The following GAS6 variants were observed in gnomAD, a reference collection of about 807,000 sequenced individuals.
The protein encoded by GAS6 is growth arrest-specific protein 6.
A neutral mutation model predicts 75.8 loss-of-function variants in GAS6; 41 were observed. The observed-to-expected ratio is 0.54, with a 90% CI of 0.42 to 0.70. The LOEUF is 0.70. GAS6 is among the 30% of genes least tolerant of loss of function. The pLI is 0.00. For synonymous variants in GAS6, 432 were observed against 412.6 expected (o/e 1.05, Z -0.57); for missense variants, 854 against 940.2 (o/e 0.91, Z 1.20).
intron 14 of GAS6, 108 bp downstream of exon 14, chr13:113,821,850 C>T (rs2051463206): frequency 1.2e-6 from 1 of 844,486 alleles, no homozygotes; most frequent in African/African-American, 1.7e-5. Flanking sequence ...AAGTCCTCTT[C>T]CGCATTCACT....
intron 4 of GAS6, chr13:113,843,716 C>T (rs1485608022): frequency 2.0e-5 from 3 of 151,234 alleles, no homozygotes; most frequent in Non-Finnish European, 2.9e-5. Flanking sequence ...CACTGTGCCG[C>T]CTGGGTCCTG....
intron 8 of GAS6, chr13:113,833,263 G>C (rs1176324421): frequency 9.5e-7 from 1 of 1,047,628 alleles, no homozygotes; most frequent in Admixed American, 5.0e-5. Flanking sequence ...TGGGCAGCCA[G>C]GGTGAGCTGG....
intron 14 of GAS6, 81 bp downstream of exon 14, chr13:113,821,877 T>C: frequency 8.9e-7 from 1 of 1,118,400 alleles, no homozygotes; most frequent in East Asian, 2.7e-5. Context: ...AACCCCAGCC[T>C]GTCCAGGTTA....
chr13:113,850,213 CCT>C (rs1458146264), intron 2 of GAS6, among the ~76,000 whole-genome samples: 2 of 152,082 alleles, frequency 1.3e-5, no homozygotes, highest in Non-Finnish European at 2.9e-5. Flanking sequence ...CCCTCCCACC[CCT>C]GTCTGCACTA....
chr13:113,846,878 C>T (rs2051838016), intron 3 of GAS6: 3 of 499,946 alleles, frequency 6.0e-6, no homozygotes, highest in East Asian at 4.0e-5. Context: ...GGGAGAATCA[C>T]CGGGAATGCT....
intron 12 of GAS6, among the ~76,000 whole-genome samples, chr13:113,824,127 A>AT (rs2051500097): frequency 1.7e-5 from 2 of 119,768 alleles, no homozygotes; most frequent in Admixed American, 8.4e-5. Context: ...TGTCAGGAGC[A>AT]CCGTGGTCTG....
rs1262431117 is a variant in GAS6, at chr13:113,863,565, G to A, written c.255+10C>T. The A allele has an allele frequency of 7.2e-5, 108 of 1,503,456 alleles. No homozygotes were observed. The highest frequency in any genetic ancestry group is 9.0e-5 in the Non-Finnish European group (102 of 1,130,304). 93.1% of individuals were successfully genotyped at this position (1,503,456 alleles called of 1,614,324 possible). A position where few individuals can be genotyped will look rare whatever the true frequency, so the allele number is the denominator to read the frequency against. On this transcript the variant is annotated intron_variant, in intron 2 of 14. Coordinates refer to ENST00000327773, the MANE Select transcript of GAS6 (RefSeq NM_000820.4). The surrounding 1 kb of genome is among the most constrained non-coding windows in gnomAD (Gnocchi z 9.4). ...GGGGTTCCCCCGCATCCCGCCCGCC[G>A]GCTGCTCACCGTCTCGGGGTCGTTC...
rs924160950 is a variant in GAS6, at chr13:113,844,725, C to G, written c.343+1802G>C. 9 of 150,572 alleles carry G rather than the reference C, an allele frequency of 6.0e-5. No homozygotes were observed. The allele number at this position is 150,572 out of a possible 1,614,324, so 9.3% of individuals were successfully genotyped here. A position where few individuals can be genotyped will look rare whatever the true frequency, so the allele number is the denominator to read the frequency against. On this transcript the variant is annotated intron_variant, in intron 4 of 14. Transcript: ENST00000327773. The surrounding 1 kb of genome is among the most constrained non-coding windows in gnomAD (Gnocchi z 5.7). Reference sequence around the variant, plus strand: ...GCCGAGTCTAAAGCTGTGGCCACGGCCTGTGGAAACCCGGCAGAAAATCTC... The same window carrying G: ...GCCGAGTCTAAAGCTGTGGCCACGGGCTGTGGAAACCCGGCAGAAAATCTC...
At chr13:113,854,704 G>A (rs920031652) in intron 2 of GAS6, among the ~76,000 whole-genome samples, 1 of 152,282 alleles carries the variant, frequency 6.6e-6, no homozygotes, top group African/African-American at 2.4e-5. Flanking sequence ...CTGCTTTGAA[G>A]TGCAGAGCAG....
At chr13:113,825,398 C>T (rs971894364) in intron 12 of GAS6, among the ~76,000 whole-genome samples, 3 of 152,164 alleles carry the variant, frequency 2.0e-5, no homozygotes, top group Non-Finnish European at 2.9e-5. Context: ...GATCTGCAAG[C>T]CTGAGCCCAG....
At chr13:113,859,601 T>C (rs1284101925) in intron 2 of GAS6, among the ~76,000 whole-genome samples, 1 of 149,372 alleles carries the variant, frequency 6.7e-6, no homozygotes, top group Non-Finnish European at 1.5e-5. Flanking sequence ...TGTCTGTTAG[T>C]ATGTGTGTGC....
rs772921580 is a variant in GAS6, at chr13:113,845,611, A to G, written c.343+916T>C. 8.5e-5 allele frequency: 12 copies of G among 141,058 alleles called. No individual in the cohort carries two copies. Among genetic ancestry groups the G allele is most frequent in the Non-Finnish European group, 1.6e-4 (11 of 67,280 alleles). The allele number at this position is 141,058 out of a possible 1,614,324, so 8.7% of individuals were successfully genotyped here. A position where few individuals can be genotyped will look rare whatever the true frequency, so the allele number is the denominator to read the frequency against. On this transcript the variant is annotated intron_variant, in intron 4 of 14. Transcript: ENST00000327773. This position sits in a 1 kb window ranked among gnomAD's most constrained non-coding sequence, Gnocchi z 4.3. ...TTGTGGCAAGCTGAAAAAATTTTTG[A>G]TAACTTTACTACCAATGGCTAATGT...
intron 7 of GAS6, among the ~76,000 whole-genome samples, chr13:113,834,973 A>G (rs948958770): frequency 1.3e-5 from 2 of 152,232 alleles, no homozygotes; most frequent in Non-Finnish European, 2.9e-5. Flanking sequence ...AGGTCTGGGA[A>G]GCACAGGGTC....
rs1214745837 is a variant in GAS6, at chr13:113,863,549, C to A, written c.255+26G>T. 2.7e-6 allele frequency: 4 copies of A among 1,497,434 alleles called. No individual in the cohort carries two copies. The highest frequency in any genetic ancestry group is 3.5e-6 in the Non-Finnish European group (4 of 1,128,590). The allele number at this position is 1,497,434 out of a possible 1,614,324, so 92.8% of individuals were successfully genotyped here. ...AGGCGCGCGGGCGCCAGGGGTTCCCCCGCATCCCGCCCGCCGGCTGCTCAC... is the reference window on the plus strand; with the variant it reads ...AGGCGCGCGGGCGCCAGGGGTTCCCACGCATCCCGCCCGCCGGCTGCTCAC... On this transcript the variant is annotated intron_variant, in intron 2 of 14. Coordinates refer to ENST00000327773, the MANE Select transcript of GAS6 (RefSeq NM_000820.4). The surrounding 1 kb of genome is among the most constrained non-coding windows in gnomAD (Gnocchi z 9.4).
At position 113,835,617 on chromosome 13, in the gene GAS6, T is replaced by C; in HGVS notation, c.608A>G (p.Asp203Gly). 2.5e-6 allele frequency: 4 copies of C among 1,611,502 alleles called. No homozygotes were observed. The highest frequency in any genetic ancestry group is 2.2e-5 in the South Asian group (2 of 91,022). Residue 203 changes from aspartate to glycine, a missense_variant, in exon 7 of 15, where the codon GAC becomes GGC. Physicochemically the swap from Asp to Gly is moderately conservative, Grantham distance 94 (BLOSUM62 -1). Transcript: ENST00000327773. ...RTCQDIDECA[D>G]SEACGEARCK... ...GCGCGCCTCCCCGCAGGCCTCCGAGTCTGCGCACTCGTCTATGTCTGCAAG... is the reference window on the plus strand; with the variant it reads ...GCGCGCCTCCCCGCAGGCCTCCGAGCCTGCGCACTCGTCTATGTCTGCAAG...
At chr13:113,842,170 CTCCG>C (rs1437199001) in intron 4 of GAS6, 17 of 152,690 alleles carry the variant, frequency 1.1e-4, no homozygotes, top group African/African-American at 4.7e-4. Context: ...CCTCAGTTTC[CTCCG>C]TCTGCCTCAC....
chr13:113,863,423 TG>T lies in GAS6; in HGVS notation c.255+151del. 2 of 653,534 alleles carry T rather than the reference TG, an allele frequency of 3.1e-6. No individual in the cohort carries two copies. The highest frequency in any genetic ancestry group is 4.4e-6 in the Non-Finnish European group (2 of 452,762). 40.5% of individuals were successfully genotyped at this position (653,534 alleles called of 1,614,324 possible). A position where few individuals can be genotyped will look rare whatever the true frequency, so the allele number is the denominator to read the frequency against. On this transcript the variant is annotated intron_variant, in intron 2 of 14. Coordinates refer to ENST00000327773, the MANE Select transcript of GAS6 (RefSeq NM_000820.4). This position sits in a 1 kb window ranked among gnomAD's most constrained non-coding sequence, Gnocchi z 9.4. Reference sequence around the variant, plus strand: ...TCCCGGGGTCGCCGGGGGATGGGCGTGGGGGACGCGGGGCGGGCCGGGGCTC... The same window carrying T: ...TCCCGGGGTCGCCGGGGGATGGGCGTGGGGACGCGGGGCGGGCCGGGGCTC...
At chr13:113,846,882 G>T in intron 3 of GAS6, 1 of 498,080 alleles carries the variant, frequency 2.0e-6, no homozygotes, top group Non-Finnish European at 3.8e-6. Flanking sequence ...GAATCACCGG[G>T]AATGCTCAGT....
At position 113,821,938 on chromosome 13, in the gene GAS6, GC is replaced by G; in HGVS notation, c.1882+19del. ...CCCTGGAGCTCTTCACCCGGGTTGA[GC>G]GGAGCAGGGAGCACCTACCTGGCAG... is the stretch of plus-strand genomic sequence containing the variant. On this transcript the variant is annotated intron_variant, in intron 14 of 14. Transcript: ENST00000327773. 1 of 1,504,646 alleles carries G rather than the reference GC, an allele frequency of 6.6e-7. No homozygotes were observed. The allele number at this position is 1,504,646 out of a possible 1,614,324, so 93.2% of individuals were successfully genotyped here.
Sources: allele counts gnomAD v4.1 joint callset (sites outside exome capture counted in the v4.1 genomes callset), GRCh38; gene constraint gnomAD v4.1.1; non-coding constraint Gnocchi (gnomAD v3.1); transcripts MANE v1.5; gene names NCBI Gene and HGNC (gene_info 2026-07-23, HGNC 2026-07-21).